The following FRMPD4 variants were observed in gnomAD, a reference collection of about 807,000 sequenced individuals.
The protein encoded by FRMPD4 is FERM and PDZ domain-containing protein 4.
A neutral mutation model predicts 94.1 loss-of-function variants in FRMPD4; 22 were observed. The ratio of observed to expected loss-of-function variants is 0.23; its 90% CI spans 0.17 to 0.33. FRMPD4 has a LOEUF of 0.33. FRMPD4 is among the 10% of genes least tolerant of loss of function. The pLI, the probability that FRMPD4 is intolerant of heterozygous loss-of-function variation, is 1.00. For synonymous variants in FRMPD4, 631 were observed against 548.6 expected (o/e 1.15, Z -2.10); for missense variants, 1,111 against 1,339.9 (o/e 0.83, Z 2.67).
At chrX:11,906,472 G>C (rs1467355261) in intron 3 of FRMPD4, among the ~76,000 whole-genome samples, 1 of 111,660 alleles carries the variant, frequency 9.0e-6, no homozygotes, top group Non-Finnish European at 1.9e-5. Context: ...TTCAAAGGTA[G>C]TTTTTGCTAA....
chrX:11,840,021 C>G (rs1270701711), intron 1 of FRMPD4, among the ~76,000 whole-genome samples: 1 of 111,656 alleles, frequency 9.0e-6, no homozygotes, highest in Non-Finnish European at 1.9e-5. Context: ...TGTAAGTCCT[C>G]TAACTTTGTT....
At chrX:12,688,235 A>G (rs1453804447) in intron 7 of FRMPD4, among the ~76,000 whole-genome samples, 1 of 111,877 alleles carries the variant, frequency 8.9e-6, no homozygotes, top group Non-Finnish European at 1.9e-5. Flanking sequence ...TTGTGTTGCC[A>G]ACTGGTCAAC....
At chrX:11,841,639 G>A (rs180946283) in intron 1 of FRMPD4, among the ~76,000 whole-genome samples, 203 of 111,378 alleles carry the variant, frequency 1.8e-3, no homozygotes, top group Non-Finnish European at 3.0e-3. Context: ...TGTAGATTCC[G>A]GATATTAGCC....
intron 4 of FRMPD4, among the ~76,000 whole-genome samples, chrX:12,618,491 A>G (rs2059256866): frequency 9.0e-6 from 1 of 111,387 alleles, no homozygotes; most frequent in African/African-American, 3.3e-5. Context: ...TGGATGGTGT[A>G]TTAAGGGATA....
At chrX:11,825,225 T>A (rs1371972727) in intron 1 of FRMPD4, among the ~76,000 whole-genome samples, 2 of 105,869 alleles carry the variant, frequency 1.9e-5, no homozygotes, top group African/African-American at 6.9e-5. Flanking sequence ...TGTGTGTGTG[T>A]GTGTGTGTGT....
chrX:12,597,895 T>C (rs913959771), intron 2 of FRMPD4, among the ~76,000 whole-genome samples: 4 of 112,399 alleles, frequency 3.6e-5, no homozygotes, highest in African/African-American at 1.3e-4. Flanking sequence ...AATGTCTCAG[T>C]TGAGATAAAA....
chrX:12,681,519 G>A (rs1242519325), intron 5 of FRMPD4, among the ~76,000 whole-genome samples: 1 of 111,316 alleles, frequency 9.0e-6, no homozygotes. Flanking sequence ...TTTAAAGACG[G>A]CAGCCATTCT....
chrX:11,852,441 C>T (rs1276483911), intron 1 of FRMPD4, among the ~76,000 whole-genome samples: 44 of 50,691 alleles, frequency 8.7e-4, no homozygotes, highest in African/African-American at 4.6e-3. Context: ...GACCCTGTCT[C>T]CAAAAAAAAA....
At chrX:12,530,494 G>C (rs912207267) in intron 2 of FRMPD4, among the ~76,000 whole-genome samples, 1 of 111,327 alleles carries the variant, frequency 9.0e-6, no homozygotes. Context: ...AAGCAGGGTG[G>C]AGAATTTACT....
In FRMPD4 at chrX:12,720,897, G is replaced by A. The variant is rs1243748003; in HGVS notation, c.4328G>A (p.Arg1443Gln). Residue 1443 changes from arginine to glutamine, a missense_variant, in exon 17 of 17, where the codon CGA becomes CAA. This residue lies in a region of FRMPD4 where 551 missense variants were observed against 591.6 expected (regional missense o/e 0.93). Coordinates refer to ENST00000675598, the MANE Select transcript of FRMPD4 (RefSeq NM_001368397.1). ...GCACAGGAGGCCAGTTCTGAAAGGC[G>A]AGCAGAACTCCCCCTGGGGAGGAAG... is the stretch of plus-strand genomic sequence containing the variant. ...TEAQEASSER[R>Q]AELPLGRKLT... 3.6e-6 allele frequency: 3 copies of A among 838,287 alleles called. No homozygotes were observed. The highest frequency in any genetic ancestry group is 4.3e-5 in the African/African-American group (2 of 46,620). The allele number at this position is 838,287 out of a possible 1,213,427, so 69.1% of individuals were successfully genotyped here. A position where few individuals can be genotyped will look rare whatever the true frequency, so the allele number is the denominator to read the frequency against.
chrX:12,002,766 G>A (rs1395109170), intron 3 of FRMPD4, among the ~76,000 whole-genome samples: 1 of 111,865 alleles, frequency 8.9e-6, no homozygotes, highest in Non-Finnish European at 1.9e-5. Context: ...CAGTTACTAT[G>A]TATCTCATAG....
intron 2 of FRMPD4, among the ~76,000 whole-genome samples, chrX:12,528,285 T>C (rs774284821): frequency 9.2e-6 from 1 of 108,474 alleles, no homozygotes; most frequent in African/African-American, 3.4e-5. Context: ...TTCCTCACAG[T>C]AGCCAGTCTG....
intron 3 of FRMPD4, among the ~76,000 whole-genome samples, chrX:12,064,817 T>C (rs1384263748): frequency 8.9e-6 from 1 of 112,153 alleles, no homozygotes; most frequent in Non-Finnish European, 1.9e-5. Context: ...TCCAAAACAA[T>C]TGAAAATGTT....
intron 3 of FRMPD4, among the ~76,000 whole-genome samples, chrX:12,030,418 T>TG (rs1353960674): frequency 2.7e-5 from 3 of 111,490 alleles, no homozygotes; most frequent in Admixed American, 9.5e-5. Flanking sequence ...CTTTTTTTTG[T>TG]GGGGGGGAGG....
intron 1 of FRMPD4, among the ~76,000 whole-genome samples, chrX:12,470,712 C>T (rs1239939355): frequency 3.6e-5 from 4 of 111,717 alleles, no homozygotes; most frequent in African/African-American, 1.3e-4. Context: ...TCCCTCGGGA[C>T]AATATATTTA....
chrX:12,617,460 G>A (rs1266219681), intron 4 of FRMPD4, among the ~76,000 whole-genome samples: 2 of 111,931 alleles, frequency 1.8e-5, no homozygotes, highest in African/African-American at 3.2e-5. Flanking sequence ...AATAATGTAT[G>A]TCTCACTAAT....
At chrX:12,479,626 A>C (rs2057657427) in intron 1 of FRMPD4, among the ~76,000 whole-genome samples, 1 of 107,332 alleles carries the variant, frequency 9.3e-6, no homozygotes, top group African/African-American at 3.4e-5. Context: ...CTTGGCCTCC[A>C]AAGTAGCTAG....
At chrX:12,151,305 T>G (rs781538751) in intron 1 of FRMPD4, among the ~76,000 whole-genome samples, 1 of 111,776 alleles carries the variant, frequency 8.9e-6, no homozygotes, top group Non-Finnish European at 1.9e-5. Context: ...TACTTAACTC[T>G]GTAAAGTGGT....
intron 1 of FRMPD4, among the ~76,000 whole-genome samples, chrX:12,397,762 T>G (rs1224403189): frequency 9.0e-6 from 1 of 111,074 alleles, no homozygotes; most frequent in African/African-American, 3.3e-5. Context: ...CTGGATAATG[T>G]GAATTTTTCC....
Sources: allele counts gnomAD v4.1 joint callset (sites outside exome capture counted in the v4.1 genomes callset), GRCh38; gene constraint gnomAD v4.1.1; regional missense constraint gnomAD v4.1.1; transcripts MANE v1.5; gene names NCBI Gene and HGNC (gene_info 2026-07-23, HGNC 2026-07-21).